The following NECTIN1 variants were observed in gnomAD, a reference collection of about 807,000 sequenced individuals.
NECTIN1 encodes the protein nectin-1.
NECTIN1 carries 23 observed loss-of-function variants against 48.0 expected under a neutral mutation model. That is an observed-to-expected ratio of 0.48 (90% CI 0.34 to 0.68). The LOEUF is 0.68. Ranked by LOEUF, NECTIN1 falls within the 30% of genes least tolerant of loss-of-function variation. The pLI is 0.01. For missense variants in NECTIN1, 591 were observed against 709.9 expected (o/e 0.83, Z 1.90); for synonymous variants, 270 against 288.9 (o/e 0.93, Z 0.66).
chr11:119,698,552 TTCC>T (rs934002890), intron 1 of NECTIN1, among the ~76,000 whole-genome samples: 10 of 152,306 alleles, frequency 6.6e-5, no homozygotes, highest in African/African-American at 2.4e-4. Flanking sequence ...GATCAGGTAG[TTCC>T]TCCCCATAAG....
In NECTIN1 at chr11:119,664,507, C is replaced by T. The variant is rs1282539682; in HGVS notation, c.*240G>A. ...GGCCCGTAAAGGGAAGATACAGTAACACTAAAGCCACAGTCGAACACAACA... is the reference window on the plus strand; with the variant it reads ...GGCCCGTAAAGGGAAGATACAGTAATACTAAAGCCACAGTCGAACACAACA... On this transcript the variant is annotated 3_prime_UTR_variant, in exon 6 of 6. Coordinates refer to ENST00000264025, the MANE Select transcript of NECTIN1 (RefSeq NM_002855.5). The T allele has an allele frequency of 2.9e-6, 4 of 1,394,644 alleles. No individual in the cohort carries two copies. Among genetic ancestry groups the T allele is most frequent in the Admixed American group, 3.1e-5 (1 of 32,574 alleles). 86.4% of individuals were successfully genotyped at this position (1,394,644 alleles called of 1,614,324 possible).
At chr11:119,652,212 G>T (rs971183208) in intron 5 of NECTIN1, among the ~76,000 whole-genome samples, 5 of 152,206 alleles carry the variant, frequency 3.3e-5, no homozygotes, top group Non-Finnish European at 5.9e-5. Flanking sequence ...ACCAGAGGAA[G>T]GTTTTCCAGC....
chr11:119,712,379 G>T (rs542056513), intron 1 of NECTIN1, among the ~76,000 whole-genome samples: 1 of 119,342 alleles, frequency 8.4e-6, no homozygotes, highest in Admixed American at 1.0e-4. Flanking sequence ...CCATAGCCCC[G>T]GGCATAGTTT....
chr11:119,640,344 T>C (rs577233687), intron 5 of NECTIN1: 1 of 381,676 alleles, frequency 2.6e-6, no homozygotes, highest in Non-Finnish European at 4.9e-6. Context: ...TTTCTGGCCC[T>C]GCAGGGAAGA....
At chr11:119,712,765 C>G (rs552013887) in intron 1 of NECTIN1, 2 of 152,376 alleles carry the variant, frequency 1.3e-5, no homozygotes, top group African/African-American at 4.8e-5. Flanking sequence ...AAATGCCCAG[C>G]ATCCCCTTTT....
intron 1 of NECTIN1, 69 bp downstream of exon 1, chr11:119,728,406 C>G (rs993986081): frequency 1.4e-6 from 2 of 1,450,308 alleles, no homozygotes; most frequent in Non-Finnish European, 1.9e-6. Context: ...CAGTCGTGCC[C>G]GCCATCCGGC....
In NECTIN1 at chr11:119,664,543, G is replaced by C; in HGVS notation, c.*204C>G. The C allele has an allele frequency of 7.0e-7, 1 of 1,427,076 alleles. No individual in the cohort carries two copies. The highest frequency in any genetic ancestry group is 9.1e-7 in the Non-Finnish European group (1 of 1,094,576). The allele number at this position is 1,427,076 out of a possible 1,614,324, so 88.4% of individuals were successfully genotyped here. On this transcript the variant is annotated 3_prime_UTR_variant, in exon 6 of 6. Transcript: ENST00000264025. ...CAGTCGAACACAACACCATGGGGAA[G>C]GGCGGAGGAGAGGGAGGAAATAAAA...
chr11:119,710,200 C>T (rs1865616853), intron 1 of NECTIN1, among the ~76,000 whole-genome samples: 1 of 152,246 alleles, frequency 6.6e-6, no homozygotes, highest in African/African-American at 2.4e-5. Context: ...CGCACCCAAG[C>T]ACACATGTGC....
At chr11:119,669,607 A>C (rs1864834592) in intron 5 of NECTIN1, among the ~76,000 whole-genome samples, 1 of 151,860 alleles carries the variant, frequency 6.6e-6, no homozygotes, top group South Asian at 2.1e-4. Context: ...GAAGTGTAAC[A>C]TATCTGCTCA....
rs1864890281 is a variant in NECTIN1 at position 119,673,283 on chromosome 11, CGA to C, written c.1003+1874_1003+1875del. Among the ~76,000 whole-genome samples, 3 of 152,274 alleles carry C rather than the reference CGA, an allele frequency of 2.0e-5. No individual in the cohort carries two copies. The highest frequency in any genetic ancestry group is 7.2e-5 in the African/African-American group (3 of 41,552). On this transcript the variant is annotated intron_variant, in intron 5 of 5. Coordinates refer to ENST00000264025, the MANE Select transcript of NECTIN1 (RefSeq NM_002855.5). This position sits in a 1 kb window ranked among gnomAD's most constrained non-coding sequence, Gnocchi z 5.8. ...TCTGGAGGGGGCTGAGAGTCCCTTC[CGA>C]GAGAGGCCAGCCGCTCAGCGCCTGG...
At chr11:119,666,394 G>A (rs1271326389) in intron 5 of NECTIN1, among the ~76,000 whole-genome samples, 1 of 152,242 alleles carries the variant, frequency 6.6e-6, no homozygotes, top group Non-Finnish European at 1.5e-5. Flanking sequence ...GAGAAGGCTG[G>A]GTGGGTGGCT....
Position 119,672,321 on chromosome 11 carries a change from C to T in NECTIN1, c.1003+2838G>A, listed in dbSNP as rs1864871977. ...GCTGCCTCATCTGTTTTTTTTCAGT[C>T]TGGTGGAGGCTGCACCCTGGGCCTC... is the stretch of plus-strand genomic sequence containing the variant. On this transcript the variant is annotated intron_variant, in intron 5 of 5. Transcript: ENST00000264025. The surrounding 1 kb of genome is among the most constrained non-coding windows in gnomAD (Gnocchi z 4.3). 6.6e-6 allele frequency among the ~76,000 whole-genome samples: 1 copy of T among 152,096 alleles called. No individual in the cohort carries two copies. The highest frequency in any genetic ancestry group is 6.5e-5 in the Admixed American group (1 of 15,288).
At chr11:119,700,603 G>A (rs1865434440) in intron 1 of NECTIN1, among the ~76,000 whole-genome samples, 1 of 152,214 alleles carries the variant, frequency 6.6e-6, no homozygotes, top group African/African-American at 2.4e-5. Flanking sequence ...GGGACGGTGG[G>A]TGGGGAGTGT....
At chr11:119,692,527 G>A (rs1333233649) in intron 1 of NECTIN1, among the ~76,000 whole-genome samples, 1 of 152,208 alleles carries the variant, frequency 6.6e-6, no homozygotes, top group Non-Finnish European at 1.5e-5. Context: ...GCAGAAGCTG[G>A]GGCTCAAGTG....
chr11:119,715,888 C>A (rs889559303), intron 1 of NECTIN1, among the ~76,000 whole-genome samples: 3 of 152,194 alleles, frequency 2.0e-5, no homozygotes, highest in Non-Finnish European at 4.4e-5. Flanking sequence ...GAGGTCAGAG[C>A]GTGGATGCCA....
At chr11:119,689,876 T>C (rs1388024096) in intron 1 of NECTIN1, among the ~76,000 whole-genome samples, 1 of 152,222 alleles carries the variant, frequency 6.6e-6, no homozygotes, top group Non-Finnish European at 1.5e-5. Flanking sequence ...ATCTCTTCCC[T>C]CCACCTGCTT....
rs1002100838 is a variant in NECTIN1 at position 119,662,273 on chromosome 11, C to T, written c.*2474G>A. On this transcript the variant is annotated 3_prime_UTR_variant, in exon 6 of 6. Transcript: ENST00000264025. This position sits in a 1 kb window ranked among gnomAD's most constrained non-coding sequence, Gnocchi z 5.3. ...TGTCTGTGGGCCCAGCAGTAGTGCC[C>T]ACCTTCCCACAAACTTGGGGCACAG... 4.1e-6 allele frequency: 4 copies of T among 985,550 alleles called. No homozygotes were observed. The highest frequency in any genetic ancestry group is 1.1e-4 in the East Asian group (1 of 8,802). 61.1% of individuals were successfully genotyped at this position (985,550 alleles called of 1,614,324 possible). A position where few individuals can be genotyped will look rare whatever the true frequency, so the allele number is the denominator to read the frequency against.
intron 1 of NECTIN1, among the ~76,000 whole-genome samples, chr11:119,710,640 G>A (rs1347876743): frequency 6.6e-6 from 1 of 152,190 alleles, no homozygotes; most frequent in African/African-American, 2.4e-5. Flanking sequence ...GTAGGAGTTT[G>A]CCAGCTGGTG....
chr11:119,639,901 C>T (rs780287456), exon 6 of NECTIN1: 19 of 1,614,032 alleles, frequency 1.2e-5, no homozygotes, highest in Admixed American at 1.0e-4. Flanking sequence ...CTTCTGCTGC[C>T]GGTTGTACAG....
Sources: allele counts gnomAD v4.1 joint callset (sites outside exome capture counted in the v4.1 genomes callset), GRCh38; gene constraint gnomAD v4.1.1; non-coding constraint Gnocchi (gnomAD v3.1); transcripts MANE v1.5; gene names NCBI Gene and HGNC (gene_info 2026-07-23, HGNC 2026-07-21).